The following IGF1R variants were observed in gnomAD, a reference collection of about 807,000 sequenced individuals.
The protein encoded by IGF1R is insulin-like growth factor 1 receptor.
A neutral mutation model predicts 144.6 loss-of-function variants in IGF1R; 44 were observed. That is an observed-to-expected ratio of 0.30 (90% CI 0.24 to 0.39). IGF1R has a LOEUF of 0.39. IGF1R is among the 10% of genes least tolerant of loss of function. The pLI is 1.00. For synonymous variants in IGF1R, 795 were observed against 722.8 expected (o/e 1.10, Z -1.60); for missense variants, 1,355 against 1,833.7 (o/e 0.74, Z 4.77).
chr15:98,898,882 C>T (rs577035306), intron 4 of IGF1R, among the ~76,000 whole-genome samples: 4 of 152,196 alleles, frequency 2.6e-5, no homozygotes, highest in Admixed American at 2.6e-4. Context: ...ATTTTTCCAA[C>T]TATTTTCTAG....
intron 13 of IGF1R, among the ~76,000 whole-genome samples, chr15:98,926,476 A>G (rs950765771): frequency 2.6e-5 from 4 of 152,226 alleles, no homozygotes; most frequent in African/African-American, 9.6e-5. Flanking sequence ...ACACAAAAAA[A>G]TGTGATGTAA....
Position 98,822,828 on chromosome 15 carries a change from A to T in IGF1R, c.641-68497A>T, listed in dbSNP as rs139095992. 2.4e-3 allele frequency among the ~76,000 whole-genome samples: 364 copies of T among 152,368 alleles called. 2 individuals are homozygous for T. The highest frequency in any genetic ancestry group is 8.3e-3 in the African/African-American group (346 of 41,596). On this transcript the variant is annotated intron_variant, in intron 2 of 20. Coordinates refer to ENST00000650285, the MANE Select transcript of IGF1R (RefSeq NM_000875.5). Reference sequence around the variant, plus strand: ...ATGTAAAAAACAGAAGTTAGGTGAAATAAATTAAGAATAATTATTTTGGAG... The same window carrying T: ...ATGTAAAAAACAGAAGTTAGGTGAATTAAATTAAGAATAATTATTTTGGAG...
At chr15:98,768,106 C>T (rs1433123452) in intron 2 of IGF1R, among the ~76,000 whole-genome samples, 1 of 152,108 alleles carries the variant, frequency 6.6e-6, no homozygotes, top group Admixed American at 6.5e-5. Context: ...CGGTAGACTC[C>T]TGTGCTGGCT....
At chr15:98,800,640 A>C (rs4966028) in intron 2 of IGF1R, among the ~76,000 whole-genome samples, 28 of 151,822 alleles carry the variant, frequency 1.8e-4, no homozygotes, top group South Asian at 1.5e-3. Context: ...CCCTCCCTCC[A>C]CCTATTTGGA....
At chr15:98,776,577 CTT>C (rs2055721770) in intron 2 of IGF1R, among the ~76,000 whole-genome samples, 1 of 152,182 alleles carries the variant, frequency 6.6e-6, no homozygotes, top group Non-Finnish European at 1.5e-5. Flanking sequence ...TTAAGAGCCT[CTT>C]CCCTCCTTCC....
chr15:98,869,315 C>CA (rs60270987), intron 2 of IGF1R, among the ~76,000 whole-genome samples: 22 of 149,794 alleles, frequency 1.5e-4, no homozygotes, highest in South Asian at 4.2e-4. Flanking sequence ...ACAACAACAA[C>CA]AAAAAAAAAC....
chr15:98,673,417 A>G (rs1467760707), intron 1 of IGF1R, among the ~76,000 whole-genome samples: 1 of 152,226 alleles, frequency 6.6e-6, no homozygotes, highest in Non-Finnish European at 1.5e-5. Context: ...TAGTAGGAAA[A>G]TAACAGCCCT....
At chr15:98,779,727 C>T (rs533023356) in intron 2 of IGF1R, among the ~76,000 whole-genome samples, 13 of 152,300 alleles carry the variant, frequency 8.5e-5, no homozygotes, top group Admixed American at 3.9e-4. Flanking sequence ...GAGGACATTC[C>T]GTCTGCGGGG....
At chr15:98,955,055 G>A (rs2016925372) in intron 20 of IGF1R, among the ~76,000 whole-genome samples, 1 of 152,116 alleles carries the variant, frequency 6.6e-6, no homozygotes. Context: ...CATGAATTTT[G>A]TAATCTTGGA....
At chr15:98,802,517 A>G (rs2056384228) in intron 2 of IGF1R, among the ~76,000 whole-genome samples, 1 of 152,222 alleles carries the variant, frequency 6.6e-6, no homozygotes, top group Non-Finnish European at 1.5e-5. Context: ...GTGACAAAAG[A>G]GATGCAAGCC....
At chr15:98,775,309 A>C (rs2055684798) in intron 2 of IGF1R, among the ~76,000 whole-genome samples, 1 of 152,066 alleles carries the variant, frequency 6.6e-6, no homozygotes, top group Non-Finnish European at 1.5e-5. Context: ...GCAGATCTAA[A>C]CTTGTTTGCA....
chr15:98,681,486 G>A (rs2053188492), intron 1 of IGF1R, among the ~76,000 whole-genome samples: 1 of 152,172 alleles, frequency 6.6e-6, no homozygotes, highest in Admixed American at 6.5e-5. Flanking sequence ...AGTAGTTCAA[G>A]GATAAACCTC....
chr15:98,799,699 G>A (rs1475703507), intron 2 of IGF1R, among the ~76,000 whole-genome samples: 1 of 152,170 alleles, frequency 6.6e-6, no homozygotes, highest in African/African-American at 2.4e-5. Flanking sequence ...GCTGAGGGCT[G>A]CTGTTACCTT....
chr15:98,827,228 C>T (rs553725143), intron 2 of IGF1R, among the ~76,000 whole-genome samples: 1 of 152,128 alleles, frequency 6.6e-6, no homozygotes, highest in African/African-American at 2.4e-5. Context: ...AGTTTCAGAG[C>T]AAATGACTTG....
In IGF1R at chr15:98,935,540, G is replaced by T; in HGVS notation, c.3297+114G>T. 1.3e-6 allele frequency: 1 copy of T among 753,614 alleles called. No individual in the cohort carries two copies. The highest frequency in any genetic ancestry group is 2.4e-6 in the Non-Finnish European group (1 of 419,186). The allele number at this position is 753,614 out of a possible 1,614,324, so 46.7% of individuals were successfully genotyped here. A position where few individuals can be genotyped will look rare whatever the true frequency, so the allele number is the denominator to read the frequency against. Reference sequence around the variant, plus strand: ...AAATCAGTTTACTTTCCAGCATCCAGTGTTTCTTACTGCATGCTCAGTTGT... The same window carrying T: ...AAATCAGTTTACTTTCCAGCATCCATTGTTTCTTACTGCATGCTCAGTTGT... On this transcript the variant is annotated intron_variant, in intron 17 of 20. Transcript: ENST00000650285. This position sits in a 1 kb window ranked among gnomAD's most constrained non-coding sequence, Gnocchi z 4.2.
At chr15:98,766,867 A>G (rs1207222380) in intron 2 of IGF1R, among the ~76,000 whole-genome samples, 7 of 152,194 alleles carry the variant, frequency 4.6e-5, no homozygotes, top group African/African-American at 1.7e-4. Context: ...GAAAATCTCC[A>G]CAGGAGGTTA....
chr15:98,939,492 A>T, intron 18 of IGF1R, 132 bp downstream of exon 18: 1 of 864,800 alleles, frequency 1.2e-6, no homozygotes, highest in Non-Finnish European at 2.0e-6. Flanking sequence ...CTTGGGAATG[A>T]TGTGATTGTC....
chr15:98,934,863 T>C lies in IGF1R; in HGVS notation c.2996T>C (p.Ile999Thr). The C allele has an allele frequency of 6.2e-7, 1 of 1,614,096 alleles. No individual in the cohort carries two copies. The highest frequency in any genetic ancestry group is 8.5e-7 in the Non-Finnish European group (1 of 1,180,004). The change falls in exon 16 of 21, where the codon ATC becomes ACC. Residue 999 changes from isoleucine (I) to threonine (T), a missense_variant. Ile to Thr is a moderately conservative substitution (Grantham distance 89, BLOSUM62 -1). Around this residue, in one of 7 missense-constraint regions of IGF1R, gnomAD observed 880 missense variants for 1,202.7 expected, o/e 0.73. Transcript: ENST00000650285. Reference protein sequence around the residue: ...PDEWEVAREKITMSRELGQGS... With the variant: ...PDEWEVAREKTTMSRELGQGS... ...GAGTGGGAGGTGGCTCGGGAGAAGA[T>C]CACCATGAGCCGGGAACTTGGGCAG...
chr15:98,919,383 G>A (rs1310635224), intron 10 of IGF1R, among the ~76,000 whole-genome samples: 1 of 152,204 alleles, frequency 6.6e-6, no homozygotes, highest in Non-Finnish European at 1.5e-5. Flanking sequence ...TTACGTTGCT[G>A]TCTTGTTCCA....
Sources: allele counts gnomAD v4.1 joint callset (sites outside exome capture counted in the v4.1 genomes callset), GRCh38; gene constraint gnomAD v4.1.1; regional missense constraint gnomAD v4.1.1; non-coding constraint Gnocchi (gnomAD v3.1); transcripts MANE v1.5; gene names NCBI Gene and HGNC (gene_info 2026-07-23, HGNC 2026-07-21).